NCOA2: variants seen among roughly 807,000 people sequenced by gnomAD.
NCOA2 encodes nuclear receptor coactivator 2.
In NCOA2, 21 loss-of-function variants were observed where a neutral mutation model predicts 145.1. The ratio of observed to expected loss-of-function variants is 0.14; its 90% CI spans 0.10 to 0.21. The LOEUF (loss-of-function observed/expected upper bound fraction) is 0.21, where lower values mean the gene tolerates loss of function less well. Ranked by LOEUF, NCOA2 falls within the 10% of genes least tolerant of loss-of-function variation. The probability of loss-of-function intolerance (pLI) is 1.00; values close to 1 mark genes in which losing one functional copy is unlikely to be tolerated. For missense variants in NCOA2, 1,472 were observed against 1,837.6 expected (o/e 0.80, Z 3.64); for synonymous variants, 619 against 637.5 (o/e 0.97, Z 0.44).
At chr8:70,348,847 C>A (rs1808911677) in intron 1 of NCOA2, among the ~76,000 whole-genome samples, 1 of 151,986 alleles carries the variant, frequency 6.6e-6, no homozygotes, top group South Asian at 2.1e-4. Flanking sequence ...AAATGTCAAG[C>A]CAGCAGTTAA....
chr8:70,197,096 C>G (rs1817407087), intron 4 of NCOA2, among the ~76,000 whole-genome samples: 1 of 152,114 alleles, frequency 6.6e-6, no homozygotes, highest in Admixed American at 6.5e-5. Flanking sequence ...TCTCTTAACG[C>G]TGCTAAAGAA....
chr8:70,360,163 C>T (rs187578398), intron 1 of NCOA2, among the ~76,000 whole-genome samples: 1 of 152,116 alleles, frequency 6.6e-6, no homozygotes, highest in East Asian at 1.9e-4. Flanking sequence ...TTTTAAATGC[C>T]TCCAAAATCA....
intron 1 of NCOA2, among the ~76,000 whole-genome samples, chr8:70,381,819 C>A (rs1458562680): frequency 1.3e-5 from 2 of 152,084 alleles, no homozygotes; most frequent in African/African-American, 4.8e-5. Flanking sequence ...GGTGGCTTAC[C>A]CATGTGCTCA....
chr8:70,445,050 G>A, the NCOA2 span, among the ~76,000 whole-genome samples: 1 of 152,186 alleles, frequency 6.6e-6, no homozygotes. Flanking sequence ...TATAAATACT[G>A]TTTAAAATTA....
intron 3 of NCOA2, among the ~76,000 whole-genome samples, chr8:70,215,095 T>C (rs538001856): frequency 2.8e-4 from 42 of 152,310 alleles, no homozygotes; most frequent in South Asian, 1.5e-3. Flanking sequence ...CACGAATTAC[T>C]GGCACAGTAA....
At chr8:70,334,850 C>T (rs1032050825) in intron 1 of NCOA2, among the ~76,000 whole-genome samples, 17 of 151,994 alleles carry the variant, frequency 1.1e-4, no homozygotes, top group African/African-American at 3.6e-4. Flanking sequence ...CTTGGCTGGG[C>T]GCAGTGGCAT....
intron 2 of NCOA2, among the ~76,000 whole-genome samples, chr8:70,289,351 TAAAGA>T (rs1362098526): frequency 3.3e-5 from 5 of 152,236 alleles, no homozygotes; most frequent in Non-Finnish European, 7.3e-5. Context: ...CTGTTTCTTT[TAAAGA>T]TAGTCTTTTA....
At position 70,170,240 on chromosome 8, in the gene NCOA2, T is replaced by C. The variant is rs1421428869; in HGVS notation, c.503A>G (p.His168Arg). Reference protein sequence around the residue: ...SVYSILHVGDHTEFVKNLLPK... With the variant: ...SVYSILHVGDRTEFVKNLLPK... The stretch of plus-strand genomic sequence containing the variant: ...CAGCAGGTTTTTGACAAATTCCGTG[T>C]GGTCCCCAACATGCAAGATGCTATA... Residue 168 changes from histidine to arginine, a missense_variant, in exon 6 of 23, where the codon CAC becomes CGC. By Grantham distance (29) the His-to-Arg change is conservative. Transcript: ENST00000452400. 1 of 1,613,582 alleles carries C rather than the reference T, an allele frequency of 6.2e-7. No homozygotes were observed. Among genetic ancestry groups the C allele is most frequent in the Non-Finnish European group, 8.5e-7 (1 of 1,179,754 alleles).
intron 15 of NCOA2, among the ~76,000 whole-genome samples, chr8:70,135,029 C>A (rs1178785332): frequency 1.3e-5 from 2 of 152,098 alleles, no homozygotes; most frequent in African/African-American, 4.8e-5. Context: ...AGGAAAACGC[C>A]CCTGGAATAG....
intron 2 of NCOA2, among the ~76,000 whole-genome samples, chr8:70,289,666 C>G (rs1347696031): frequency 2.0e-5 from 3 of 152,134 alleles, no homozygotes; most frequent in Admixed American, 2.0e-4. Context: ...CTTAATTCTA[C>G]TTTTTAAAAA....
the NCOA2 span, among the ~76,000 whole-genome samples, chr8:70,412,229 A>G: frequency 6.6e-6 from 1 of 152,062 alleles, no homozygotes; most frequent in African/African-American, 2.4e-5. Flanking sequence ...AGCTATGATC[A>G]CACCACTGTA....
chr8:70,378,508 CA>C (rs5892231), intron 1 of NCOA2, among the ~76,000 whole-genome samples: 15,967 of 151,814 alleles, frequency 0.11, 1,280 homozygotes, highest in East Asian at 0.4. Context: ...GGAAGGGGTC[CA>C]TTTCTTCAAG....
chr8:70,380,105 G>C (rs1586642452), intron 1 of NCOA2, among the ~76,000 whole-genome samples: 1 of 152,234 alleles, frequency 6.6e-6, no homozygotes, highest in East Asian at 1.9e-4. Flanking sequence ...TGTCAAGCAG[G>C]TTCTTAATGT....
intron 1 of NCOA2, among the ~76,000 whole-genome samples, chr8:70,397,946 T>C (rs1434765228): frequency 6.6e-6 from 1 of 152,080 alleles, no homozygotes; most frequent in Non-Finnish European, 1.5e-5. Flanking sequence ...CTAAAGCAAA[T>C]TGAAATTAAG....
At chr8:70,322,160 T>C (rs549989864) in intron 1 of NCOA2, among the ~76,000 whole-genome samples, 1 of 152,180 alleles carries the variant, frequency 6.6e-6, no homozygotes, top group East Asian at 1.9e-4. Context: ...TAGTAAGTTA[T>C]TTATTTCATC....
intron 1 of NCOA2, among the ~76,000 whole-genome samples, chr8:70,338,457 CA>C (rs1807832561): frequency 6.6e-6 from 1 of 151,952 alleles, no homozygotes. Flanking sequence ...AATAGCCTAC[CA>C]ACCAAAAAAG....
chr8:70,166,281 C>T (rs1394031948), intron 7 of NCOA2, among the ~76,000 whole-genome samples: 1 of 152,148 alleles, frequency 6.6e-6, no homozygotes, highest in African/African-American at 2.4e-5. Flanking sequence ...ATTAAAACTC[C>T]CGCCCCCTAG....
chr8:70,448,520 A>G, the NCOA2 span, among the ~76,000 whole-genome samples: 1 of 152,236 alleles, frequency 6.6e-6, no homozygotes, highest in Admixed American at 6.5e-5. Context: ...AGAAGCACTC[A>G]GTGTGACAAT....
At chr8:70,373,706 T>TA (rs1165792831) in intron 1 of NCOA2, among the ~76,000 whole-genome samples, 1 of 152,212 alleles carries the variant, frequency 6.6e-6, no homozygotes, top group African/African-American at 2.4e-5. Flanking sequence ...CACTTCAAAT[T>TA]AGTTTTTATG....
Sources: gnomAD v4.1 joint callset for allele counts (sites outside exome capture counted in the v4.1 genomes callset) on GRCh38, gnomAD v4.1.1 for gene constraint, MANE v1.5 for transcripts, NCBI Gene and HGNC (gene_info 2026-07-23, HGNC 2026-07-21) for gene names.